The following TCF12 variants were observed in gnomAD, a reference collection of about 807,000 sequenced individuals.
TCF12 encodes the protein DNA-binding protein HTF4.
Under a neutral mutation model 86.0 loss-of-function variants are expected in TCF12, and 45 were observed. The ratio of observed to expected loss-of-function variants is 0.52; its 90% confidence interval spans 0.41 to 0.67. The LOEUF is 0.67. TCF12 is among the 30% of genes least tolerant of loss of function. The probability of loss-of-function intolerance (pLI) is 0.00; values close to 1 mark genes in which losing one functional copy is unlikely to be tolerated. For synonymous variants in TCF12, 330 were observed against 299.6 expected (o/e 1.10, Z -1.05); for missense variants, 881 against 859.9 (o/e 1.02, Z -0.31).
intron 2 of TCF12, 25 bp from the exon 3 acceptor site, chr15:56,921,001 C>G: frequency 6.4e-7 from 1 of 1,565,868 alleles, no homozygotes; most frequent in East Asian, 2.3e-5. Flanking sequence ...TCAGGACTAA[C>G]AGATATATTT....
rs983323980 is a variant in TCF12, at chr15:57,001,011, A to T, written c.149-62739A>T. Among the ~76,000 whole-genome samples the T allele has an allele frequency of 3.4e-3, 458 of 134,414 alleles. 5 individuals carry two copies. Among genetic ancestry groups the T allele is most frequent in the Admixed American group, 4.4e-3 (57 of 13,054 alleles). The allele number at this position is 134,414 out of a possible 152,430, so 88.2% of individuals were successfully genotyped here. A position where few individuals can be genotyped will look rare whatever the true frequency, so the allele number is the denominator to read the frequency against. ...TTTAAATTTTTAAAAATTTAAAAAA[A>T]ATTTTTTTTTTTTTTTTTTTGAGAC... On this transcript the variant is annotated intron_variant, in intron 3 of 20. Coordinates refer to ENST00000333725, the MANE Select transcript of TCF12 (RefSeq NM_207037.2).
chr15:56,959,922 C>A (rs538090376), intron 3 of TCF12, among the ~76,000 whole-genome samples: 2 of 152,118 alleles, frequency 1.3e-5, no homozygotes, highest in African/African-American at 4.8e-5. Context: ...GATTATTGTT[C>A]CAATTTTTTG....
At chr15:56,986,743 A>T (rs1456872048) in intron 3 of TCF12, among the ~76,000 whole-genome samples, 1 of 152,180 alleles carries the variant, frequency 6.6e-6, no homozygotes, top group East Asian at 1.9e-4. Flanking sequence ...TGCATTTTTT[A>T]AAAAAGAAAA....
chr15:57,240,749 G>T (rs1289420934), intron 12 of TCF12, among the ~76,000 whole-genome samples: 1 of 151,822 alleles, frequency 6.6e-6, no homozygotes, highest in Non-Finnish European at 1.5e-5. Flanking sequence ...GTGTGGTGGT[G>T]AGGGCTTGTA....
intron 5 of TCF12, among the ~76,000 whole-genome samples, chr15:57,096,706 C>G (rs1322028535): frequency 1.3e-5 from 2 of 152,144 alleles, no homozygotes; most frequent in South Asian, 4.1e-4. Flanking sequence ...GGCACAGATG[C>G]AACCATCCAT....
chr15:57,248,520 C>G (rs1332902936), intron 13 of TCF12, among the ~76,000 whole-genome samples: 1 of 152,084 alleles, frequency 6.6e-6, no homozygotes, highest in Non-Finnish European at 1.5e-5. Flanking sequence ...AATAAAAGTT[C>G]AATAATTGTA....
intron 5 of TCF12, among the ~76,000 whole-genome samples, chr15:57,101,979 A>T (rs1334760816): frequency 6.6e-6 from 1 of 152,212 alleles, no homozygotes; most frequent in Non-Finnish European, 1.5e-5. Flanking sequence ...GATAGTAAAT[A>T]GTCTAAGGTC....
intron 11 of TCF12, 84 bp from the exon 12 acceptor site, chr15:57,233,959 G>T: frequency 9.3e-7 from 1 of 1,073,398 alleles, no homozygotes; most frequent in South Asian, 1.3e-5. Context: ...TGATGATAGA[G>T]AACACCCTTG....
intron 3 of TCF12, among the ~76,000 whole-genome samples, chr15:56,995,912 G>A (rs1464285294): frequency 6.6e-6 from 1 of 152,132 alleles, no homozygotes; most frequent in Non-Finnish European, 1.5e-5. Context: ...TATGATATTA[G>A]CTGTGGGTTT....
intron 3 of TCF12, among the ~76,000 whole-genome samples, chr15:56,993,240 T>C (rs1162417114): frequency 6.6e-6 from 1 of 152,104 alleles, no homozygotes; most frequent in African/African-American, 2.4e-5. Context: ...AATGAAAATT[T>C]TGTCATTTTT....
intron 5 of TCF12, among the ~76,000 whole-genome samples, chr15:57,136,355 T>C (rs369615934): frequency 7.9e-5 from 12 of 152,282 alleles, no homozygotes; most frequent in African/African-American, 2.6e-4. Context: ...CCATGTTTTC[T>C]TTTTTTTCTT....
At chr15:57,284,855 T>A (rs1305252844) in intron 20 of TCF12, among the ~76,000 whole-genome samples, 1 of 152,256 alleles carries the variant, frequency 6.6e-6, no homozygotes, top group Non-Finnish European at 1.5e-5. Flanking sequence ...TTCATACTGC[T>A]CTCATAGCTC....
intron 3 of TCF12, among the ~76,000 whole-genome samples, chr15:56,993,848 G>T (rs1276804221): frequency 6.6e-6 from 1 of 152,160 alleles, no homozygotes; most frequent in Non-Finnish European, 1.5e-5. Flanking sequence ...AAATTCCCAG[G>T]TTATAATCCA....
At chr15:57,127,463 G>A (rs1461247270) in intron 5 of TCF12, among the ~76,000 whole-genome samples, 4 of 152,032 alleles carry the variant, frequency 2.6e-5, no homozygotes, top group South Asian at 2.1e-4. Flanking sequence ...ATAGAGTAGC[G>A]TTTATCATAT....
At chr15:57,199,917 T>TGTCA (rs2057451603) in intron 8 of TCF12, among the ~76,000 whole-genome samples, 1 of 152,142 alleles carries the variant, frequency 6.6e-6, no homozygotes, top group Non-Finnish European at 1.5e-5. Context: ...GATCTCACTC[T>TGTCA]GTCACACAGG....
chr15:57,225,220 C>CTTTTTTTTTTTTTTTTTTTTTT (rs139530756), intron 8 of TCF12, among the ~76,000 whole-genome samples: 1 of 39,762 alleles, frequency 2.5e-5, no homozygotes, highest in African/African-American at 1.0e-4. Flanking sequence ...CTGATATATG[C>CTTTTTTTTTTTTTTTTTTTTTT]TTTTTTTTTT....
chr15:57,166,530 A>G, intron 6 of TCF12, 64 bp downstream of exon 6: 1 of 1,355,752 alleles, frequency 7.4e-7, no homozygotes, highest in Non-Finnish European at 1.0e-6. Context: ...AGGCTCTATT[A>G]ATAGATGAGA....
intron 6 of TCF12, among the ~76,000 whole-genome samples, chr15:57,180,068 A>G (rs2056230555): frequency 6.6e-6 from 1 of 152,228 alleles, no homozygotes; most frequent in African/African-American, 2.4e-5. Context: ...ATATCCCTGA[A>G]ATTTCAATGT....
chr15:57,170,787 A>AT (rs1432148386), intron 6 of TCF12, among the ~76,000 whole-genome samples: 10 of 42,394 alleles, frequency 2.4e-4, no homozygotes, highest in African/African-American at 1.0e-3. Flanking sequence ...TAATATATAT[A>AT]TATAATATAT....
Sources: allele counts gnomAD v4.1 joint callset (sites outside exome capture counted in the v4.1 genomes callset), GRCh38; gene constraint gnomAD v4.1.1; transcripts MANE v1.5; gene names NCBI Gene and HGNC (gene_info 2026-07-23, HGNC 2026-07-21).